The following GNG7 variants were observed in gnomAD, a reference collection of about 807,000 sequenced individuals.
GNG7 encodes guanine nucleotide-binding protein G(I)/G(S)/G(O) subunit gamma-7.
A neutral mutation model predicts 4.0 loss-of-function variants in GNG7; 1 was observed. The observed-to-expected ratio is 0.25, with a 90% CI of 0.09 to 1.18. The LOEUF (loss-of-function observed/expected upper bound fraction) is 1.18, where lower values mean the gene tolerates loss of function less well. Ranked by LOEUF, GNG7 falls within the 50% of genes most tolerant of loss-of-function variation. GNG7 has a pLI of 0.50. For synonymous variants in GNG7, 34 were observed against 36.9 expected (o/e 0.92, Z 0.29); for missense variants, 86 against 91.9 (o/e 0.94, Z 0.26).
chr19:2,605,582 T>C (rs1423884019), intron 2 of GNG7, among the ~76,000 whole-genome samples: 1 of 142,416 alleles, frequency 7.0e-6, no homozygotes, highest in African/African-American at 2.6e-5. Context: ...GGCTTGATCT[T>C]GGCTTACTGC....
intron 3 of GNG7, among the ~76,000 whole-genome samples, chr19:2,544,409 C>G (rs1979059127): frequency 6.6e-6 from 1 of 152,178 alleles, no homozygotes; most frequent in Admixed American, 6.5e-5. Flanking sequence ...GACCTCAGTG[C>G]ATCTCACAGA....
intron 2 of GNG7, among the ~76,000 whole-genome samples, chr19:2,591,342 T>C (rs929533376): frequency 3.9e-5 from 6 of 152,220 alleles, no homozygotes; most frequent in African/African-American, 1.4e-4. Flanking sequence ...GTTTCCTCTC[T>C]TGTAAGATGG....
chr19:2,550,680 G>T (rs771329529), intron 3 of GNG7, among the ~76,000 whole-genome samples: 5 of 152,126 alleles, frequency 3.3e-5, no homozygotes, highest in African/African-American at 4.8e-5. Context: ...CAAGTCTCGT[G>T]ACTCCAATCC....
At chr19:2,536,873 G>A (rs528221221) in intron 3 of GNG7, among the ~76,000 whole-genome samples, 39 of 152,004 alleles carry the variant, frequency 2.6e-4, no homozygotes, top group Non-Finnish European at 5.0e-4. Flanking sequence ...CTTCCTGGTC[G>A]GACTCCATTT....
intron 2 of GNG7, among the ~76,000 whole-genome samples, chr19:2,570,832 C>T (rs188530764): frequency 1.3e-3 from 203 of 152,284 alleles, no homozygotes; most frequent in Non-Finnish European, 2.4e-3. Flanking sequence ...GGGTCTTGCT[C>T]TGTCACCCAG....
In GNG7 at chr19:2,659,264, T is replaced by C. The variant is rs1983080160; in HGVS notation, c.-134-12984A>G. 4.8e-5 allele frequency among the ~76,000 whole-genome samples: 7 copies of C among 145,088 alleles called. No individual in the cohort carries two copies. In the South Asian group the frequency reaches 1.8e-3, roughly 36 times the overall value. On this transcript the variant is annotated intron_variant, in intron 1 of 4. Coordinates refer to ENST00000382159, the MANE Select transcript of GNG7 (RefSeq NM_052847.3). The stretch of plus-strand genomic sequence containing the variant: ...GATGACAGACGTGAGCCACTGCGCC[T>C]GGCCTTGATTTTTTTTAAATAAAGG...
At chr19:2,656,970 G>A (rs1203585867) in intron 1 of GNG7, among the ~76,000 whole-genome samples, 1 of 152,078 alleles carries the variant, frequency 6.6e-6, no homozygotes, top group Admixed American at 6.6e-5. Flanking sequence ...TCCTCTGGGG[G>A]TGGGGCAGCG....
intron 2 of GNG7, among the ~76,000 whole-genome samples, chr19:2,590,875 A>C (rs1980832803): frequency 1.3e-5 from 2 of 151,682 alleles, no homozygotes; most frequent in Non-Finnish European, 2.9e-5. Context: ...TCACCCATCC[A>C]TCCATCCACC....
chr19:2,657,253 G>A (rs889130098), intron 1 of GNG7, among the ~76,000 whole-genome samples: 2 of 147,248 alleles, frequency 1.4e-5, no homozygotes, highest in Non-Finnish European at 3.0e-5. Flanking sequence ...AGGATGTCTT[G>A]AGCCTAGGAG....
At chr19:2,681,230 C>A (rs188310610) in intron 1 of GNG7, among the ~76,000 whole-genome samples, 226 of 152,152 alleles carry the variant, frequency 1.5e-3, no homozygotes, top group Middle Eastern at 6.8e-3. Context: ...GTTGCCCAGG[C>A]TGGAATGCAG....
chr19:2,647,911 C>T (rs1327430664), intron 1 of GNG7, among the ~76,000 whole-genome samples: 1 of 151,042 alleles, frequency 6.6e-6, no homozygotes, highest in Non-Finnish European at 1.5e-5. Context: ...GCCCGTAATC[C>T]CAGCTACTTG....
intron 3 of GNG7, among the ~76,000 whole-genome samples, chr19:2,534,435 C>A (rs1978677599): frequency 6.6e-6 from 1 of 152,228 alleles, no homozygotes; most frequent in Admixed American, 6.5e-5. Flanking sequence ...GTGCAAAAAT[C>A]AAGGCTTATT....
chr19:2,631,491 G>A (rs1357871631), intron 2 of GNG7, among the ~76,000 whole-genome samples: 1 of 152,222 alleles, frequency 6.6e-6, no homozygotes, highest in Non-Finnish European at 1.5e-5. Context: ...ACTGATGACA[G>A]GTAAATGAAT....
chr19:2,528,282 A>AC (rs1001522509), intron 3 of GNG7, among the ~76,000 whole-genome samples: 43 of 149,660 alleles, frequency 2.9e-4, no homozygotes, highest in Non-Finnish European at 1.6e-4. Context: ...AAAAAAAAAA[A>AC]AAAAAAAAGG....
intron 3 of GNG7, among the ~76,000 whole-genome samples, chr19:2,543,165 T>C (rs28434552): frequency 0.59 from 88,547 of 150,792 alleles, 28,124 homozygotes; most frequent in African/African-American, 0.84. Context: ...GTGATCCACC[T>C]GCCTTGGCCT....
At chr19:2,548,328 G>T (rs915745246) in intron 3 of GNG7, among the ~76,000 whole-genome samples, 2 of 148,976 alleles carry the variant, frequency 1.3e-5, no homozygotes, top group African/African-American at 5.0e-5. Flanking sequence ...AAATACAAAA[G>T]AAATTTGCTG....
At chr19:2,624,794 A>G (rs1004262476) in intron 2 of GNG7, among the ~76,000 whole-genome samples, 1 of 152,204 alleles carries the variant, frequency 6.6e-6, no homozygotes, top group African/African-American at 2.4e-5. Context: ...CCCCAGGCAG[A>G]GGGCAGGCGG....
rs1972714921 is a variant in GNG7 at position 2,515,100 on chromosome 19, G to A, written c.129C>T (p.Ala43=). ...CTCCGACCAGCAGGGGGTCGTTCCGGGCATGTTGCTCACAGTAGCTCATGA... is the reference window on the plus strand; with the variant it reads ...CTCCGACCAGCAGGGGGTCGTTCCGAGCATGTTGCTCACAGTAGCTCATGA... ...SDLMSYCEQH[A]RNDPLLVGVP... Residue 43 remains alanine, a synonymous_variant, in exon 5 of 5, where the codon GCC becomes GCT. Coordinates refer to ENST00000382159, the MANE Select transcript of GNG7 (RefSeq NM_052847.3). 1 of 1,613,892 alleles carries A rather than the reference G, an allele frequency of 6.2e-7. No homozygotes were observed. Among genetic ancestry groups the A allele is most frequent in the East Asian group, 2.2e-5 (1 of 44,876 alleles).
chr19:2,639,010 A>G (rs4807308), intron 2 of GNG7, among the ~76,000 whole-genome samples: 100,758 of 151,932 alleles, frequency 0.66, 33,951 homozygotes, highest in East Asian at 0.95. Context: ...GCTGAGGCAG[A>G]AGGATCACTT....
Sources: allele counts gnomAD v4.1 joint callset (sites outside exome capture counted in the v4.1 genomes callset), GRCh38; gene constraint gnomAD v4.1.1; transcripts MANE v1.5; gene names NCBI Gene and HGNC (gene_info 2026-07-23, HGNC 2026-07-21).